Variants in ZNF682 observed in about 807,000 individuals in gnomAD.
The protein encoded by ZNF682 is zinc finger protein 682.
Under a neutral mutation model 36.5 loss-of-function variants are expected in ZNF682, and 29 were observed. That is an observed-to-expected ratio of 0.80 (90% CI 0.59 to 1.08). The LOEUF is 1.08. Ranked by LOEUF, ZNF682 falls within the 50% of genes least tolerant of loss-of-function variation. ZNF682 has a pLI of 0.00. For missense variants in ZNF682, 561 were observed against 579.7 expected (o/e 0.97, Z 0.33); for synonymous variants, 180 against 197.0 (o/e 0.91, Z 0.72).
chr19:20,015,714 C>A (rs2088329008), intron 3 of ZNF682: 1 of 393,972 alleles, frequency 2.5e-6, no homozygotes, highest in South Asian at 1.3e-4. Context: ...TCACAGAAAC[C>A]CCATTATAAT....
At chr19:20,015,408 T>C in intron 3 of ZNF682, 6 of 984,924 alleles carry the variant, frequency 6.1e-6, no homozygotes, top group Non-Finnish European at 7.2e-6. Flanking sequence ...ATCTGACTTT[T>C]GCCTCACACT....
downstream of ZNF682, among the ~76,000 whole-genome samples, chr19:20,001,666 TG>T (rs2122285835): frequency 6.6e-6 from 1 of 152,378 alleles, no homozygotes; most frequent in African/African-American, 2.4e-5. Flanking sequence ...CTTACAGTTC[TG>T]GAAATTAGAA....
chr19:20,025,659 A>C (rs2088424748), intron 1 of ZNF682, among the ~76,000 whole-genome samples: 1 of 151,658 alleles, frequency 6.6e-6, no homozygotes, highest in Non-Finnish European at 1.5e-5. Context: ...CCTGTGCAAC[A>C]GTGCGAGACT....
At position 20,005,807 on chromosome 19, in the gene ZNF682, A is replaced by T. The variant is rs2088209568; in HGVS notation, c.*198T>A. Reference sequence around the variant, plus strand: ...TATTAAATGCTTTGCCACATTCTTTAAAATCAGAATTTTTCTCAGCATGAA... The same window carrying T: ...TATTAAATGCTTTGCCACATTCTTTTAAATCAGAATTTTTCTCAGCATGAA... On this transcript the variant is annotated 3_prime_UTR_variant, in exon 4 of 4. Coordinates refer to ENST00000397165, the MANE Select transcript of ZNF682 (RefSeq NM_033196.3). 1 of 600,956 alleles carries T rather than the reference A, an allele frequency of 1.7e-6. No homozygotes were observed. Among genetic ancestry groups the T allele is most frequent in the Non-Finnish European group, 2.8e-6 (1 of 355,246 alleles). 37.2% of individuals were successfully genotyped at this position (600,956 alleles called of 1,614,324 possible).
chr19:20,020,982 T>G (rs1225306118), intron 3 of ZNF682, among the ~76,000 whole-genome samples: 1 of 152,176 alleles, frequency 6.6e-6, no homozygotes, highest in Non-Finnish European at 1.5e-5. Context: ...GGGGATCTAA[T>G]GCATAGCATC....
Position 20,006,243 on chromosome 19 carries a change from G to C in ZNF682, c.1259C>G (p.Thr420Ser). 1 of 1,613,678 alleles carries C rather than the reference G, an allele frequency of 6.2e-7. No homozygotes were observed. Among genetic ancestry groups the C allele is most frequent in the South Asian group, 1.1e-5 (1 of 91,068 alleles). ...TTCACAGTTGTAGGGTTTCTCTCCA[G>C]TATGAATTCTCTTATGTTCAGTAAG... The part of the protein sequence containing the change: ...SILTEHKRIH[T>S]GEKPYNCEEC... The change falls in exon 4 of 4, where the codon ACT becomes AGT. Residue 420 changes from threonine (T) to serine (S), a missense_variant. Transcript: ENST00000397165.
Position 20,017,116 on chromosome 19 carries a change from C to A in ZNF682, c.226+5888G>T, listed in dbSNP as rs141627938. 8.6e-5 allele frequency among the ~76,000 whole-genome samples: 13 copies of A among 151,910 alleles called. No individual in the cohort carries two copies. The East Asian group carries it at 2.5e-3, about 29-fold the overall frequency. On this transcript the variant is annotated intron_variant, in intron 3 of 3. Coordinates refer to ENST00000397165, the MANE Select transcript of ZNF682 (RefSeq NM_033196.3). ...TCAAAGTATGCCACTACAAAATTAA[C>A]AAAACAAAAACAAAGGCAGTAAGAG... is the stretch of plus-strand genomic sequence containing the variant.
rs369078395 is a variant in ZNF682 at position 20,006,155 on chromosome 19, G to A, written c.1347C>T (p.Ala449=). ...ATTCTTCACATTTATAGCGTTTGAC[G>A]GCAGTATGAATTTTCTTATGTCTAG... ...HLTRHKKIHT[A]VKRYKCEECG... is the part of the protein sequence containing the mutation. The change falls in exon 4 of 4, where the codon GCC becomes GCT. Residue 449 remains alanine, a synonymous_variant. Transcript: ENST00000397165. 1.1e-5 allele frequency: 17 copies of A among 1,610,754 alleles called. No individual in the cohort carries two copies. In the East Asian group the frequency reaches 1.8e-4, roughly 17 times the overall value.
intron 2 of ZNF682, among the ~76,000 whole-genome samples, 190 bp downstream of exon 2, chr19:20,024,060 A>G (rs1340750182): frequency 6.6e-6 from 1 of 152,206 alleles, no homozygotes; most frequent in Non-Finnish European, 1.5e-5. Context: ...TCAAGGTAGA[A>G]GAAAGTTAAT....
chr19:20,039,235 C>T, intron 1 of ZNF682, 108 bp downstream of exon 1: 1 of 1,539,956 alleles, frequency 6.5e-7, no homozygotes, highest in South Asian at 1.2e-5. Flanking sequence ...CTCCAGTCCG[C>T]AGACTCCGGA....
Position 20,005,949 on chromosome 19 carries a change from T to A in ZNF682, c.*56A>T. On this transcript the variant is annotated 3_prime_UTR_variant, in exon 4 of 4. Transcript: ENST00000397165. ...TGTGATTTCAATGCCTTGAGCAAGA[T>A]TTATGGAATTTGCCACATTCTTTAC... The A allele has an allele frequency of 6.7e-7, 1 of 1,483,414 alleles. No individual in the cohort carries two copies. Among genetic ancestry groups the A allele is most frequent in the Non-Finnish European group, 9.1e-7 (1 of 1,100,832 alleles). 91.9% of individuals were successfully genotyped at this position (1,483,414 alleles called of 1,614,324 possible). A position where few individuals can be genotyped will look rare whatever the true frequency, so the allele number is the denominator to read the frequency against.
chr19:20,039,126 G>C, intron 1 of ZNF682: 1 of 1,393,042 alleles, frequency 7.2e-7, no homozygotes, highest in Non-Finnish European at 9.3e-7. Flanking sequence ...GCGGGAAGCG[G>C]GAGAACGGAA....
Position 20,039,398 on chromosome 19 carries a change from G to A in ZNF682, c.-53C>T, listed in dbSNP as rs533041210. On this transcript the variant is annotated 5_prime_UTR_variant, in exon 1 of 4. Coordinates refer to ENST00000397165, the MANE Select transcript of ZNF682 (RefSeq NM_033196.3). Reference sequence around the variant, plus strand: ...CTTAGCTCTGGATCTCACAGCATCTGCAAGTCAGAGGGCAACAGAGGCTGC... The same window carrying A: ...CTTAGCTCTGGATCTCACAGCATCTACAAGTCAGAGGGCAACAGAGGCTGC... 11 of 1,607,564 alleles carry A rather than the reference G, an allele frequency of 6.8e-6. No homozygotes were observed. The South Asian group carries it at 9.9e-5, about 14-fold the overall frequency.
chr19:20,006,523 G>C lies in ZNF682; in HGVS notation c.979C>G (p.Leu327Val). ...ECGKAFNHCS[L>V]LTIHERTHTG... is the part of the protein sequence containing the mutation. ...TGGGTTCTCTCATGTATAGTAAGTAGTGAGCAGTGGTTAAAGGCTTTCCCA... is the reference window on the plus strand; with the variant it reads ...TGGGTTCTCTCATGTATAGTAAGTACTGAGCAGTGGTTAAAGGCTTTCCCA... The change falls in exon 4 of 4, where the codon CTA (leucine) becomes GTA (valine). Residue 327 changes from leucine to valine, a missense_variant. By Grantham distance (32) the Leu-to-Val change is conservative (BLOSUM62 1). Transcript: ENST00000397165. 6.2e-7 allele frequency: 1 copy of C among 1,613,784 alleles called. No homozygotes were observed. Among genetic ancestry groups the C allele is most frequent in the South Asian group, 1.1e-5 (1 of 91,068 alleles).
intron 1 of ZNF682, 152 bp downstream of exon 1, chr19:20,039,191 A>C: frequency 7.0e-7 from 1 of 1,420,666 alleles, no homozygotes. Flanking sequence ...CTGTGCCCGG[A>C]GGTGATCGAC....
chr19:20,038,157 T>A (rs930866345), intron 1 of ZNF682, among the ~76,000 whole-genome samples: 1 of 152,018 alleles, frequency 6.6e-6, no homozygotes, highest in Non-Finnish European at 1.5e-5. Context: ...TCTGATAAGG[T>A]GTCTGTGCCT....
intron 3 of ZNF682, among the ~76,000 whole-genome samples, chr19:19,999,193 T>TA (rs1192514794): frequency 6.6e-6 from 1 of 152,206 alleles, no homozygotes; most frequent in Admixed American, 6.5e-5. Flanking sequence ...TGTGAGAAAT[T>TA]AAGTTCTGTT....
At chr19:19,999,560 G>A (rs187908881), downstream of ZNF682, among the ~76,000 whole-genome samples, 4 of 150,836 alleles carry the variant, frequency 2.7e-5, no homozygotes, top group African/African-American at 4.9e-5. Flanking sequence ...TTCTTGAGAC[G>A]GAGTCTCGCT....
In ZNF682 at chr19:20,019,115, CATAA is replaced by C. The variant is rs758359803; in HGVS notation, c.226+3885_226+3888del. Among the ~76,000 whole-genome samples, 6 of 152,226 alleles carry C rather than the reference CATAA, an allele frequency of 3.9e-5. No individual in the cohort carries two copies. In the East Asian group the frequency reaches 7.7e-4, roughly 20 times the overall value. On this transcript the variant is annotated intron_variant, in intron 3 of 3. Coordinates refer to ENST00000397165, the MANE Select transcript of ZNF682 (RefSeq NM_033196.3). ...AACTGACATCTCTCCGAAGAAGTTA[CATAA>C]ATAGCCTATAAGCATTTGAAAGGAT...
Sources: gnomAD v4.1 joint callset for allele counts (sites outside exome capture counted in the v4.1 genomes callset) on GRCh38, gnomAD v4.1.1 for gene constraint, MANE v1.5 for transcripts, NCBI Gene and HGNC (gene_info 2026-07-23, HGNC 2026-07-21) for gene names.